The following TMEM132B variants were observed in gnomAD, a reference collection of about 807,000 sequenced individuals.
TMEM132B encodes the protein transmembrane protein 132B.
In TMEM132B, 18 loss-of-function variants were observed where a neutral mutation model predicts 90.8. That is an observed-to-expected ratio of 0.20 (90% CI 0.14 to 0.29). The LOEUF is 0.29. TMEM132B is among the 10% of genes least tolerant of loss of function. TMEM132B has a pLI of 1.00. For synonymous variants in TMEM132B, 504 were observed against 523.3 expected, an observed-to-expected ratio of 0.96 and a Z score of 0.50; for missense variants, 1,096 against 1,326.8, an observed-to-expected ratio of 0.83 and a Z score of 2.70.
intron 2 of TMEM132B, among the ~76,000 whole-genome samples, chr12:125,412,974 G>A (rs1162825691): frequency 2.0e-5 from 3 of 152,106 alleles, no homozygotes; most frequent in African/African-American, 4.8e-5. Flanking sequence ...GGGAATTGCG[G>A]GCATTGCAGT....
rs1593054673 is a variant in TMEM132B, at chr12:125,246,609, C to T, written c.67+59743C>T. ...TTCAGGACAAGTTCAGCGTCTCCAGCACACACAGTGCCATTTAAAGAGGAA... is the reference window on the plus strand; with the variant it reads ...TTCAGGACAAGTTCAGCGTCTCCAGTACACACAGTGCCATTTAAAGAGGAA... On this transcript the variant is annotated intron_variant, in intron 1 of 8. Transcript: ENST00000682704. This position sits in a 1 kb window ranked among gnomAD's most constrained non-coding sequence, Gnocchi z 4.2. 1.3e-5 allele frequency among the ~76,000 whole-genome samples: 2 copies of T among 152,230 alleles called. No individual in the cohort carries two copies. The highest frequency in any genetic ancestry group is 3.8e-4 in the East Asian group (2 of 5,196).
intron 5 of TMEM132B, among the ~76,000 whole-genome samples, chr12:125,614,906 T>C (rs1251922981): frequency 6.6e-6 from 1 of 152,190 alleles, no homozygotes; most frequent in Non-Finnish European, 1.5e-5. Context: ...ATCAAGAATA[T>C]ATTAATTTCC....
At chr12:125,585,217 A>G (rs1051148120) in intron 5 of TMEM132B, 2 of 152,210 alleles carry the variant, frequency 1.3e-5, no homozygotes, top group African/African-American at 4.8e-5. Flanking sequence ...TTTCCTGGAC[A>G]TGGAATGCTC....
At chr12:125,211,619 A>C (rs1873320795) in intron 1 of TMEM132B, among the ~76,000 whole-genome samples, 1 of 152,160 alleles carries the variant, frequency 6.6e-6, no homozygotes, top group Non-Finnish European at 1.5e-5. Context: ...GGATCCAAAA[A>C]ATAAAGACTA....
At chr12:125,639,427 A>G (rs184810728) in intron 5 of TMEM132B, among the ~76,000 whole-genome samples, 1 of 152,370 alleles carries the variant, frequency 6.6e-6, no homozygotes, top group Admixed American at 6.5e-5. Context: ...TCTCAGAGGA[A>G]ACAGTTGTGA....
intron 1 of TMEM132B, among the ~76,000 whole-genome samples, chr12:125,257,071 G>C (rs1333489890): frequency 6.6e-6 from 1 of 152,138 alleles, no homozygotes; most frequent in African/African-American, 2.4e-5. Flanking sequence ...CCAACACTTT[G>C]GGAGGCTGAG....
intron 5 of TMEM132B, among the ~76,000 whole-genome samples, chr12:125,614,812 T>C (rs1885948260): frequency 6.6e-6 from 1 of 152,206 alleles, no homozygotes; most frequent in Non-Finnish European, 1.5e-5. Flanking sequence ...ACTGTCTAGG[T>C]AACTTGCTTT....
chr12:125,460,217 AC>A lies in TMEM132B; in HGVS notation c.1106+44541del, dbSNP rs1881400071. Among the ~76,000 whole-genome samples the A allele has an allele frequency of 6.6e-6, 1 of 152,336 alleles. No homozygotes were observed. Among genetic ancestry groups the A allele is most frequent in the South Asian group, 2.1e-4 (1 of 4,828 alleles). On this transcript the variant is annotated intron_variant, in intron 3 of 8. Coordinates refer to ENST00000682704, the MANE Select transcript of TMEM132B (RefSeq NM_001366854.1). This position sits in a 1 kb window ranked among gnomAD's most constrained non-coding sequence, Gnocchi z 4.4. ...CATAAAAAAATAAAGCTGGCAGGGC[AC>A]GGTGGCTCACGCCTGTAATCCCAGC...
At chr12:125,558,441 C>T (rs79229061) in intron 4 of TMEM132B, among the ~76,000 whole-genome samples, 1,822 of 152,268 alleles carry the variant, frequency 0.012, 38 homozygotes, top group African/African-American at 0.042. Context: ...CATCTTCGTT[C>T]AATGTCTGGA....
At chr12:125,272,621 C>T (rs543230989) in intron 1 of TMEM132B, among the ~76,000 whole-genome samples, 72 of 152,096 alleles carry the variant, frequency 4.7e-4, no homozygotes, top group African/African-American at 1.6e-3. Context: ...GCATGTGGCG[C>T]GGGCGGGTGC....
At chr12:125,472,534 G>A (rs1047883085) in intron 3 of TMEM132B, among the ~76,000 whole-genome samples, 1 of 152,162 alleles carries the variant, frequency 6.6e-6, no homozygotes, top group Non-Finnish European at 1.5e-5. Context: ...AGAAGGACCT[G>A]CTGCTCTATG....
At chr12:125,342,041 G>C (rs545660792) in intron 1 of TMEM132B, among the ~76,000 whole-genome samples, 1 of 152,068 alleles carries the variant, frequency 6.6e-6, no homozygotes, top group Non-Finnish European at 1.5e-5. Flanking sequence ...TTTGTTGGTA[G>C]TTCTGCAAAC....
At chr12:125,609,498 G>A (rs1156901553) in intron 5 of TMEM132B, among the ~76,000 whole-genome samples, 4 of 151,816 alleles carry the variant, frequency 2.6e-5, no homozygotes, top group African/African-American at 7.3e-5. Context: ...TTTTTTGGGG[G>A]GTGGTATTGC....
At chr12:125,331,504 T>C (rs967497285) in intron 1 of TMEM132B, among the ~76,000 whole-genome samples, 1 of 152,112 alleles carries the variant, frequency 6.6e-6, no homozygotes, top group African/African-American at 2.4e-5. Flanking sequence ...ACATGAGCCC[T>C]TTACTCCGGG....
chr12:125,589,019 C>CTGCA (rs1429902728), intron 5 of TMEM132B, among the ~76,000 whole-genome samples: 5 of 152,138 alleles, frequency 3.3e-5, no homozygotes, highest in Admixed American at 2.6e-4. Context: ...ACCTATTCAC[C>CTGCA]TGCATATTTA....
intron 4 of TMEM132B, among the ~76,000 whole-genome samples, chr12:125,564,500 G>T (rs1199381215): frequency 2.0e-5 from 3 of 152,156 alleles, no homozygotes; most frequent in African/African-American, 7.2e-5. Context: ...AGAAGGATGT[G>T]CAGGCTTCTC....
chr12:125,218,951 A>C (rs1684057707), intron 1 of TMEM132B, among the ~76,000 whole-genome samples: 1 of 152,146 alleles, frequency 6.6e-6, no homozygotes, highest in Admixed American at 6.5e-5. Context: ...TTGAAACTAG[A>C]TAAAGGTGGT....
intron 1 of TMEM132B, among the ~76,000 whole-genome samples, chr12:125,210,076 G>A (rs1029375023): frequency 1.3e-5 from 2 of 152,170 alleles, no homozygotes; most frequent in African/African-American, 4.8e-5. Context: ...GTCAGATCGG[G>A]GAGGCAGATG....
chr12:125,356,736 C>T (rs1877785252), intron 2 of TMEM132B, among the ~76,000 whole-genome samples: 1 of 152,222 alleles, frequency 6.6e-6, no homozygotes, highest in African/African-American at 2.4e-5. Flanking sequence ...GACCTGTTAT[C>T]TCCCATGACT....
Sources: allele counts gnomAD v4.1 joint callset (sites outside exome capture counted in the v4.1 genomes callset), GRCh38; gene constraint gnomAD v4.1.1; non-coding constraint Gnocchi (gnomAD v3.1); transcripts MANE v1.5; gene names NCBI Gene and HGNC (gene_info 2026-07-23, HGNC 2026-07-21).